ZNF469: variants seen among roughly 807,000 people sequenced by gnomAD.
The protein encoded by ZNF469 is zinc finger protein 469.
A neutral mutation model predicts 1.0 loss-of-function variants in ZNF469; 1 was observed. The observed-to-expected ratio is 1.00, with a 90% confidence interval of 0.35 to 4.73. The LOEUF is 4.73. Ranked by LOEUF, ZNF469 falls within the 30% of genes most tolerant of loss-of-function variation. The pLI is 0.16. For missense variants in ZNF469, 6,100 were observed against 5,356.3 expected (o/e 1.14, Z -4.33); for synonymous variants, 2,703 against 2,363.4 (o/e 1.14, Z -4.17).
chr16:88,306,039 A>G, the ZNF469 span, among the ~76,000 whole-genome samples: 1 of 152,248 alleles, frequency 6.6e-6, no homozygotes, highest in Non-Finnish European at 1.5e-5. Context: ...GAATGTAGAC[A>G]CCTGGTCTGA....
the ZNF469 span, among the ~76,000 whole-genome samples, chr16:88,247,078 A>C: frequency 2.6e-5 from 4 of 151,782 alleles, no homozygotes; most frequent in African/African-American, 9.7e-5. Flanking sequence ...TGACTGAGTG[A>C]GTGAATGACT....
At chr16:88,272,239 G>A in the ZNF469 span, among the ~76,000 whole-genome samples, 1 of 124,814 alleles carries the variant, frequency 8.0e-6, no homozygotes, top group Non-Finnish European at 1.7e-5. Context: ...GTAGATGGAT[G>A]GATGAGAAGT....
At chr16:88,168,901 G>T in the ZNF469 span, among the ~76,000 whole-genome samples, 2 of 151,808 alleles carry the variant, frequency 1.3e-5, no homozygotes, top group Non-Finnish European at 2.9e-5. This position sits in a 1 kb window ranked among gnomAD's most constrained non-coding sequence, Gnocchi z 4.3. Context: ...TTTGAGACCA[G>T]CCTGGACAAC....
At chr16:88,173,766 T>G in the ZNF469 span, among the ~76,000 whole-genome samples, 1 of 152,210 alleles carries the variant, frequency 6.6e-6, no homozygotes, top group South Asian at 2.1e-4. Context: ...AACAATATCA[T>G]TTGAAAGTAG....
chr16:88,187,510 C>A, the ZNF469 span, among the ~76,000 whole-genome samples: 1 of 152,246 alleles, frequency 6.6e-6, no homozygotes, highest in Non-Finnish European at 1.5e-5. Flanking sequence ...GACAGGGAGG[C>A]CCCTTGTGGG....
At chr16:88,268,837 C>T in the ZNF469 span, among the ~76,000 whole-genome samples, 1 of 152,304 alleles carries the variant, frequency 6.6e-6, no homozygotes, top group South Asian at 2.1e-4. Flanking sequence ...GGAAAACGTG[C>T]AGCCCGGCCC....
chr16:88,193,356 A>G, the ZNF469 span, among the ~76,000 whole-genome samples: 1 of 151,510 alleles, frequency 6.6e-6, no homozygotes, highest in South Asian at 2.1e-4. Flanking sequence ...GGATGATGAT[A>G]TTGATTATGA....
chr16:88,103,881 A>T, the ZNF469 span, among the ~76,000 whole-genome samples: 1 of 140,894 alleles, frequency 7.1e-6, no homozygotes, highest in Non-Finnish European at 1.5e-5. Flanking sequence ...CCATGGCACG[A>T]GGGGGCAGTG....
chr16:88,397,126 G>T (rs1195628226), intron 1 of ZNF469, among the ~76,000 whole-genome samples: 1 of 152,226 alleles, frequency 6.6e-6, no homozygotes, highest in East Asian at 1.9e-4. Context: ...CGCTCCTGCA[G>T]GGAGGCTAAG....
upstream of ZNF469, among the ~76,000 whole-genome samples, chr16:88,380,532 CACACGCACTAACACAG>C (rs1182803831): frequency 9.3e-4 from 138 of 148,896 alleles, no homozygotes; most frequent in African/African-American, 3.0e-3. Context: ...CGCACTAACA[CACACGCACTAACACAG>C]ACATGCACTC....
rs755200044 is a variant in ZNF469, at chr16:88,434,653, A to G, written c.7183A>G (p.Arg2395Gly). ...TGRSGATKMP[R>G]VTCPSTGLGL... ...GCGCTCTGGTGCTACCAAGATGCCC[A>G]GGGTCACCTGCCCTTCCACAGGACT... Residue 2395 changes from arginine (R) to glycine (G), a missense_variant, in exon 3 of 3, where the codon AGG becomes GGG. Coordinates refer to ENST00000565624, the MANE Select transcript of ZNF469 (RefSeq NM_001367624.2). 9.7e-6 allele frequency: 15 copies of G among 1,550,322 alleles called. No homozygotes were observed. Among genetic ancestry groups the G allele is most frequent in the South Asian group, 8.3e-5 (7 of 84,062 alleles).
At position 88,437,979 on chromosome 16, in the gene ZNF469, C is replaced by G; in HGVS notation, c.10509C>G (p.Gly3503=). The G allele has an allele frequency of 6.5e-7, 1 of 1,547,920 alleles. No homozygotes were observed. The stretch of plus-strand genomic sequence containing the variant: ...GAAGCAGCCCCATCCTGAGTGAGGG[C>G]TCTCTCCCGGCCCTGCTCCACCTGT... The part of the protein sequence containing the change: ...PRGSSPILSE[G]SLPALLHLCS... The change falls in exon 3 of 3, where the codon GGC becomes GGG. Residue 3503 remains glycine (G), a synonymous_variant. Transcript: ENST00000565624.
the ZNF469 span, among the ~76,000 whole-genome samples, chr16:88,132,474 C>T: frequency 2.0e-5 from 3 of 152,338 alleles, no homozygotes; most frequent in South Asian, 2.1e-4. Flanking sequence ...CCATGGGGCT[C>T]GAGAGACTGA....
chr16:88,207,754 G>A, the ZNF469 span, among the ~76,000 whole-genome samples: 2 of 142,590 alleles, frequency 1.4e-5, no homozygotes, highest in African/African-American at 5.0e-5. Flanking sequence ...CACCTTAATG[G>A]TTACAGTGCC....
the ZNF469 span, among the ~76,000 whole-genome samples, chr16:88,105,610 A>G: frequency 1.3e-5 from 2 of 152,208 alleles, no homozygotes; most frequent in Admixed American, 6.5e-5. Flanking sequence ...GACTACATAC[A>G]GCATTTTCAA....
chr16:88,388,392 G>A (rs896775748), intron 1 of ZNF469, among the ~76,000 whole-genome samples: 1 of 152,272 alleles, frequency 6.6e-6, no homozygotes, highest in Non-Finnish European at 1.5e-5. Context: ...AGCCATTGAG[G>A]CTTTCCTACC....
chr16:88,278,496 C>T, the ZNF469 span, among the ~76,000 whole-genome samples: 13 of 89,238 alleles, frequency 1.5e-4, no homozygotes, highest in East Asian at 5.1e-4. Context: ...TGCTGTGCCA[C>T]GCTGACACTC....
the ZNF469 span, among the ~76,000 whole-genome samples, chr16:88,347,126 T>C: frequency 6.6e-6 from 1 of 152,196 alleles, no homozygotes; most frequent in South Asian, 2.1e-4. Flanking sequence ...GTGTTGGTTT[T>C]GCTTCCCTGG....
the ZNF469 span, among the ~76,000 whole-genome samples, chr16:88,162,325 T>C: frequency 7.0e-6 from 1 of 143,654 alleles, no homozygotes; most frequent in African/African-American, 2.6e-5. Flanking sequence ...GAGGATATTT[T>C]ATGAAAAATA....
Sources: allele counts gnomAD v4.1 joint callset (sites outside exome capture counted in the v4.1 genomes callset), GRCh38; gene constraint gnomAD v4.1.1; non-coding constraint Gnocchi (gnomAD v3.1); transcripts MANE v1.5; gene names NCBI Gene and HGNC (gene_info 2026-07-23, HGNC 2026-07-21).